The following ZNF407 variants were observed in gnomAD, a reference collection of about 807,000 sequenced individuals.
The protein encoded by ZNF407 is zinc finger protein 407.
In ZNF407, 17 loss-of-function variants were observed where a neutral mutation model predicts 131.2. That is an observed-to-expected ratio of 0.13 (90% confidence interval 0.09 to 0.19). ZNF407 has a LOEUF of 0.19. ZNF407 is among the 10% of genes least tolerant of loss of function. The probability of loss-of-function intolerance (pLI) is 1.00; values close to 1 mark genes in which losing one functional copy is unlikely to be tolerated. For missense variants in ZNF407, 2,681 were observed against 2,830.6 expected (o/e 0.95, Z 1.20); for synonymous variants, 1,156 against 1,062.0 (o/e 1.09, Z -1.72).
At chr18:75,052,473 G>A (rs1973512968) in intron 8 of ZNF407, among the ~76,000 whole-genome samples, 1 of 152,128 alleles carries the variant, frequency 6.6e-6, no homozygotes. Context: ...GTCCTCCCAT[G>A]TCCCTTGAAG....
chr18:74,739,329 A>G (rs1223816833), intron 3 of ZNF407, among the ~76,000 whole-genome samples: 2 of 151,930 alleles, frequency 1.3e-5, no homozygotes, highest in East Asian at 3.9e-4. Context: ...TGAACGAGAA[A>G]AGGGAAAAGG....
At chr18:74,718,835 A>G (rs1384265143) in intron 3 of ZNF407, among the ~76,000 whole-genome samples, 3 of 152,132 alleles carry the variant, frequency 2.0e-5, no homozygotes, top group Non-Finnish European at 4.4e-5. Flanking sequence ...CGTATCTCCT[A>G]TGAAAGGAAA....
At chr18:74,612,118 A>G (rs903087822) in intron 1 of ZNF407, among the ~76,000 whole-genome samples, 1 of 152,214 alleles carries the variant, frequency 6.6e-6, no homozygotes, top group African/African-American at 2.4e-5. Context: ...ACATAATCTC[A>G]AGGGGGAAAA....
chr18:74,993,834 G>T (rs1972747109), intron 8 of ZNF407, among the ~76,000 whole-genome samples: 1 of 152,208 alleles, frequency 6.6e-6, no homozygotes, highest in South Asian at 2.1e-4. Flanking sequence ...TGTAATTTAA[G>T]ATGCAGAAAA....
chr18:74,683,327 A>T (rs1967028633), intron 3 of ZNF407, among the ~76,000 whole-genome samples: 1 of 152,174 alleles, frequency 6.6e-6, no homozygotes, highest in South Asian at 2.1e-4. Flanking sequence ...TTTATAGTTT[A>T]TAGGATTCCA....
intron 1 of ZNF407, among the ~76,000 whole-genome samples, chr18:74,600,789 C>T (rs1982544959): frequency 6.6e-6 from 1 of 152,150 alleles, no homozygotes. Context: ...TTTAGGATGG[C>T]TGGATCACGG....
chr18:74,957,661 G>A (rs1481017364), intron 8 of ZNF407, among the ~76,000 whole-genome samples: 1 of 152,158 alleles, frequency 6.6e-6, no homozygotes, highest in Non-Finnish European at 1.5e-5. Context: ...ATTTCAAGGT[G>A]AGTTCTATTA....
chr18:74,974,818 T>C (rs377470270), intron 8 of ZNF407, among the ~76,000 whole-genome samples: 7 of 152,338 alleles, frequency 4.6e-5, no homozygotes, highest in African/African-American at 1.7e-4. Flanking sequence ...TCCCAAGGTC[T>C]ATCCTATGTA....
intron 7 of ZNF407, among the ~76,000 whole-genome samples, chr18:74,903,441 T>C (rs1358309976): frequency 1.3e-5 from 2 of 152,218 alleles, no homozygotes; most frequent in Non-Finnish European, 2.9e-5. Context: ...TGGGAATATA[T>C]TTCTGTCTAC....
intron 4 of ZNF407, among the ~76,000 whole-genome samples, chr18:74,875,995 T>G (rs1295824164): frequency 6.6e-6 from 1 of 152,206 alleles, no homozygotes; most frequent in Non-Finnish European, 1.5e-5. Context: ...ATGAATTTGT[T>G]AAGGTAATTC....
intron 3 of ZNF407, among the ~76,000 whole-genome samples, chr18:74,690,726 G>T (rs1465183057): frequency 6.6e-6 from 1 of 152,038 alleles, no homozygotes; most frequent in Non-Finnish European, 1.5e-5. Flanking sequence ...ATATTTTCCT[G>T]TATTGCCAAA....
Position 75,023,903 on chromosome 18 carries a change from G to A in ZNF407, c.5429-39247G>A, listed in dbSNP as rs973971418. Among the ~76,000 whole-genome samples, 4 of 152,270 alleles carry A rather than the reference G, an allele frequency of 2.6e-5. No homozygotes were observed. In the South Asian group the frequency reaches 6.2e-4, roughly 24 times the overall value. Reference sequence around the variant, plus strand: ...TTTACCATTGTAATTTTACTAGTTTGTGGTGCGTTGGTTTTGATCAATCTG... The same window carrying A: ...TTTACCATTGTAATTTTACTAGTTTATGGTGCGTTGGTTTTGATCAATCTG... On this transcript the variant is annotated intron_variant, in intron 8 of 8. Coordinates refer to ENST00000299687, the MANE Select transcript of ZNF407 (RefSeq NM_017757.3).
intron 8 of ZNF407, among the ~76,000 whole-genome samples, chr18:74,987,650 G>C (rs1972669081): frequency 6.6e-6 from 1 of 151,780 alleles, no homozygotes; most frequent in South Asian, 2.1e-4. Flanking sequence ...CTAATTAAAA[G>C]TTAGAAAAAT....
intron 4 of ZNF407, among the ~76,000 whole-genome samples, chr18:74,819,015 A>G (rs1176877856): frequency 6.6e-6 from 1 of 152,076 alleles, no homozygotes; most frequent in Non-Finnish European, 1.5e-5. Flanking sequence ...CTTGTTTGTG[A>G]CATGTCTTTT....
intron 8 of ZNF407, among the ~76,000 whole-genome samples, chr18:74,960,588 G>A (rs1447380130): frequency 7.1e-6 from 1 of 140,438 alleles, no homozygotes; most frequent in African/African-American, 2.7e-5. Flanking sequence ...AGTGTGGACT[G>A]GGTGGAGGGA....
At chr18:74,743,627 T>A (rs1011283393) in intron 3 of ZNF407, among the ~76,000 whole-genome samples, 1 of 152,150 alleles carries the variant, frequency 6.6e-6, no homozygotes, top group Non-Finnish European at 1.5e-5. Flanking sequence ...AGTTCCCTAA[T>A]TGGTATTCAT....
intron 4 of ZNF407, among the ~76,000 whole-genome samples, chr18:74,856,334 A>G (rs2145153328): frequency 6.6e-6 from 1 of 152,356 alleles, no homozygotes; most frequent in Non-Finnish European, 1.5e-5. Flanking sequence ...AATTCAAATT[A>G]AACTTCATGG....
intron 4 of ZNF407, among the ~76,000 whole-genome samples, chr18:74,816,532 C>T (rs1245319995): frequency 2.6e-5 from 4 of 152,126 alleles, no homozygotes; most frequent in African/African-American, 9.7e-5. Flanking sequence ...AATCTTGACC[C>T]ATTTCTTACT....
At chr18:74,682,943 A>G (rs1967019385) in intron 3 of ZNF407, among the ~76,000 whole-genome samples, 1 of 152,168 alleles carries the variant, frequency 6.6e-6, no homozygotes, top group Admixed American at 6.5e-5. Flanking sequence ...TGTGTCTGGA[A>G]GAGATACGCG....
Sources: allele counts gnomAD v4.1 joint callset (sites outside exome capture counted in the v4.1 genomes callset), GRCh38; gene constraint gnomAD v4.1.1; transcripts MANE v1.5; gene names NCBI Gene and HGNC (gene_info 2026-07-23, HGNC 2026-07-21).